CNGB3: variants seen among roughly 807,000 people sequenced by gnomAD.
CNGB3 encodes the protein cyclic nucleotide gated channel subunit beta 3, also known as cyclic nucleotide-gated channel beta-3.
In CNGB3, 86 loss-of-function variants were observed where a neutral mutation model predicts 92.8. The ratio of observed to expected loss-of-function variants is 0.93; its 90% CI spans 0.78 to 1.11. CNGB3 has a LOEUF of 1.11. Among genes scored for constraint, CNGB3 ranks in the 50% least tolerant of loss-of-function variants. The pLI, the probability that CNGB3 is intolerant of heterozygous loss-of-function variation, is 0.00. For missense variants in CNGB3, 1,026 were observed against 956.8 expected, an observed-to-expected ratio of 1.07 and a Z score of -0.95; for synonymous variants, 333 against 332.7, an observed-to-expected ratio of 1.00 and a Z score of -0.01.
rs766852205 is a variant in CNGB3, at chr8:86,667,076, C to A, written c.701G>T (p.Cys234Phe). Residue 234 changes from cysteine (C) to phenylalanine (F), a missense_variant, in exon 6 of 18, where the codon TGT (cysteine) becomes TTT (phenylalanine). Cys to Phe is a radical substitution (Grantham distance 205). Transcript: ENST00000320005. Reference sequence around the variant, plus strand: ...GAAGACGAGGCGCAGTGGTATAAAACAGCAGTTCCAGTTATAGGCAAGAGT... The same window carrying A: ...GAAGACGAGGCGCAGTGGTATAAAAAAGCAGTTCCAGTTATAGGCAAGAGT... ...LVTLAYNWNC[C>F]FIPLRLVFPY... The A allele has an allele frequency of 1.6e-5, 26 of 1,614,002 alleles. No homozygotes were observed. The highest frequency in any genetic ancestry group is 6.7e-5 in the East Asian group (3 of 44,872).
At chr8:86,660,825 C>T (rs1823627112) in intron 6 of CNGB3, 2 of 456,162 alleles carry the variant, frequency 4.4e-6, no homozygotes, top group Admixed American at 2.4e-5. Flanking sequence ...AATACCAATA[C>T]TAATAACTTG....
rs1230844777 is a variant in CNGB3, at chr8:86,684,670, A to G, written c.339-13572T>C. 3.3e-5 allele frequency among the ~76,000 whole-genome samples: 5 copies of G among 151,940 alleles called. No individual in the cohort carries two copies. The East Asian group carries it at 9.6e-4, about 29-fold the overall frequency. ...AATACTTAAGCCAAAAAAAAAAAAA[A>G]AGGAATAAACTCTTGATGCACACAC... is the stretch of plus-strand genomic sequence containing the variant. On this transcript the variant is annotated intron_variant, in intron 3 of 17. Coordinates refer to ENST00000320005, the MANE Select transcript of CNGB3 (RefSeq NM_019098.5).
chr8:86,585,327 A>T (rs1407895388), intron 15 of CNGB3, among the ~76,000 whole-genome samples: 1 of 151,558 alleles, frequency 6.6e-6, no homozygotes, highest in African/African-American at 2.4e-5. Context: ...ATATATATAT[A>T]TTTATATATT....
intron 5 of CNGB3, among the ~76,000 whole-genome samples, chr8:86,667,789 G>A (rs1823772432): frequency 6.6e-6 from 1 of 152,174 alleles, no homozygotes; most frequent in South Asian, 2.1e-4. Flanking sequence ...GGTAATTAGG[G>A]GCAGGAGAGG....
chr8:86,594,959 T>A (rs1161608721), intron 15 of CNGB3, among the ~76,000 whole-genome samples: 1 of 152,132 alleles, frequency 6.6e-6, no homozygotes, highest in East Asian at 1.9e-4. Flanking sequence ...CCTGACCTCA[T>A]GATCCCGCCA....
chr8:86,610,222 C>T (rs1822492364), intron 14 of CNGB3, among the ~76,000 whole-genome samples: 1 of 152,204 alleles, frequency 6.6e-6, no homozygotes, highest in African/African-American at 2.4e-5. Context: ...AATACCACAG[C>T]ACTAGAAAGG....
At chr8:86,634,925 T>G (rs1823033485) in intron 10 of CNGB3, among the ~76,000 whole-genome samples, 1 of 151,408 alleles carries the variant, frequency 6.6e-6, no homozygotes, top group South Asian at 2.1e-4. Flanking sequence ...AAGAAATTAC[T>G]CATTTTGAAA....
chr8:86,703,654 T>G (rs1321808130), intron 3 of CNGB3, among the ~76,000 whole-genome samples: 1 of 152,190 alleles, frequency 6.6e-6, no homozygotes, highest in Non-Finnish European at 1.5e-5. Context: ...TTTTCTTAAC[T>G]TAATCCATGC....
intron 6 of CNGB3, among the ~76,000 whole-genome samples, chr8:86,666,403 A>T (rs1823739409): frequency 6.6e-6 from 1 of 152,222 alleles, no homozygotes; most frequent in Non-Finnish European, 1.5e-5. Context: ...GTGATTGTAG[A>T]GGCAAGGCCT....
At chr8:86,613,633 A>C (rs1045518665) in intron 13 of CNGB3, among the ~76,000 whole-genome samples, 14 of 152,132 alleles carry the variant, frequency 9.2e-5, no homozygotes, top group African/African-American at 3.4e-4. Context: ...AATGATCAGA[A>C]ATAGAAGATC....
chr8:86,667,558 A>T (rs1398004315), intron 5 of CNGB3, among the ~76,000 whole-genome samples: 1 of 152,214 alleles, frequency 6.6e-6, no homozygotes, highest in Admixed American at 6.5e-5. Flanking sequence ...ATCCTGCCAG[A>T]AGGAGTATGG....
chr8:86,728,491 A>G (rs1329239167), intron 2 of CNGB3, among the ~76,000 whole-genome samples: 1 of 152,250 alleles, frequency 6.6e-6, no homozygotes, highest in Non-Finnish European at 1.5e-5. Flanking sequence ...AACAAAAATC[A>G]TATAGATCAG....
intron 3 of CNGB3, among the ~76,000 whole-genome samples, chr8:86,686,194 G>A (rs1338984929): frequency 1.3e-5 from 2 of 152,032 alleles, no homozygotes; most frequent in Non-Finnish European, 2.9e-5. Flanking sequence ...CAAATAATTT[G>A]TATGGTCTGT....
intron 3 of CNGB3, among the ~76,000 whole-genome samples, chr8:86,705,513 G>A (rs1329625170): frequency 6.6e-6 from 1 of 152,044 alleles, no homozygotes; most frequent in Non-Finnish European, 1.5e-5. Flanking sequence ...AACATGGGGA[G>A]ATTATCCTGG....
intron 15 of CNGB3, chr8:86,594,312 C>A (rs780659318): frequency 6.3e-6 from 2 of 318,094 alleles, no homozygotes; most frequent in Non-Finnish European, 1.2e-5. Context: ...TGGGAGAAGT[C>A]TACACCTGAG....
intron 12 of CNGB3, 31 bp from the exon 13 acceptor site, chr8:86,626,111 T>G (rs201020693): frequency 6.6e-7 from 1 of 1,507,948 alleles, no homozygotes; most frequent in East Asian, 2.3e-5. Context: ...CAAACCCCGA[T>G]GCAGAATAAT....
chr8:86,630,086 A>C (rs577677940), intron 11 of CNGB3, among the ~76,000 whole-genome samples: 26 of 152,256 alleles, frequency 1.7e-4, no homozygotes, highest in African/African-American at 6.0e-4. Flanking sequence ...CCATTTTTAG[A>C]GCCAAAAAAT....
At chr8:86,657,856 G>A in intron 6 of CNGB3, 1 of 534,240 alleles carries the variant, frequency 1.9e-6, no homozygotes, top group Non-Finnish European at 3.8e-6. Flanking sequence ...CTCTGGTACA[G>A]TGTGATGTAC....
intron 13 of CNGB3, among the ~76,000 whole-genome samples, chr8:86,616,437 T>C (rs1563728011): frequency 6.6e-6 from 1 of 152,206 alleles, no homozygotes; most frequent in Non-Finnish European, 1.5e-5. Context: ...ATAATGTGTT[T>C]GAGAACTATT....
Sources: allele counts gnomAD v4.1 joint callset (sites outside exome capture counted in the v4.1 genomes callset), GRCh38; gene constraint gnomAD v4.1.1; transcripts MANE v1.5; gene names NCBI Gene and HGNC (gene_info 2026-07-23, HGNC 2026-07-21).